ADAMTS2: variants seen among roughly 807,000 people sequenced by gnomAD.
ADAMTS2 encodes the protein ADAM metallopeptidase with thrombospondin type 1 motif 2.
Under a neutral mutation model 123.0 loss-of-function variants are expected in ADAMTS2, and 50 were observed. The ratio of observed to expected loss-of-function variants is 0.41; its 90% CI spans 0.32 to 0.51. The LOEUF is 0.51. ADAMTS2 is among the 20% of genes least tolerant of loss of function. The pLI is 0.35. For synonymous variants in ADAMTS2, 678 were observed against 695.4 expected (o/e 0.98, Z 0.39); for missense variants, 1,494 against 1,705.2 (o/e 0.88, Z 2.18).
intron 3 of ADAMTS2, among the ~76,000 whole-genome samples, chr5:179,231,147 G>A (rs1765403395): frequency 6.6e-6 from 1 of 152,196 alleles, no homozygotes. Context: ...GCCAGGCCCA[G>A]AAGGACAAAT....
At chr5:179,318,694 G>A (rs546847063) in intron 2 of ADAMTS2, among the ~76,000 whole-genome samples, 3 of 152,134 alleles carry the variant, frequency 2.0e-5, no homozygotes, top group African/African-American at 7.2e-5. Context: ...ACCAGGGCAG[G>A]TGGGGCAATG....
chr5:179,231,239 G>A (rs1245822705), intron 3 of ADAMTS2, among the ~76,000 whole-genome samples: 1 of 152,210 alleles, frequency 6.6e-6, no homozygotes, highest in Non-Finnish European at 1.5e-5. Context: ...AGAGCTGGGG[G>A]AGCGGGAAAT....
rs913789523 is a variant in ADAMTS2, at chr5:179,234,320, G to A, written c.689-26605C>T. On this transcript the variant is annotated intron_variant, in intron 3 of 21. Transcript: ENST00000251582. The surrounding 1 kb of genome is among the most constrained non-coding windows in gnomAD (Gnocchi z 4.7). ...ACTTCTCCAGCTCTGCATGGAGAAGGCCTCACCATGCATCTCAGAGAGAAG... is the reference window on the plus strand; with the variant it reads ...ACTTCTCCAGCTCTGCATGGAGAAGACCTCACCATGCATCTCAGAGAGAAG... Among the ~76,000 whole-genome samples the A allele has an allele frequency of 6.6e-5, 10 of 152,110 alleles. No homozygotes were observed. The highest frequency in any genetic ancestry group is 1.3e-4 in the Admixed American group (2 of 15,282).
chr5:179,248,019 C>T (rs1456019056), intron 3 of ADAMTS2, among the ~76,000 whole-genome samples: 1 of 152,028 alleles, frequency 6.6e-6, no homozygotes, highest in Non-Finnish European at 1.5e-5. Context: ...TCTATAGATG[C>T]ATAAAGCAAT....
chr5:179,135,938 A>C lies in ADAMTS2; in HGVS notation c.2056T>G (p.Phe686Val), dbSNP rs1231356192. ...CAGTCCCCGCGCACACAGAGGCTGAAGGCGTCCTTGTAGGAGCAGCGCGTC... is the reference window on the plus strand; with the variant it reads ...CAGTCCCCGCGCACACAGAGGCTGACGGCGTCCTTGTAGGAGCAGCGCGTC... ...DGTRCSYKDA[F>V]SLCVRGDCRK... is the part of the protein sequence containing the mutation. Residue 686 changes from phenylalanine to valine, a missense_variant, in exon 13 of 22, where the codon TTC becomes GTC. This residue lies in a region of ADAMTS2 where 953 missense variants were observed against 1,124.7 expected (regional missense o/e 0.85). Coordinates refer to ENST00000251582, the MANE Select transcript of ADAMTS2 (RefSeq NM_014244.5). 6.2e-7 allele frequency: 1 copy of C among 1,613,142 alleles called. No individual in the cohort carries two copies. The highest frequency in any genetic ancestry group is 8.5e-7 in the Non-Finnish European group (1 of 1,180,034).
intron 2 of ADAMTS2, among the ~76,000 whole-genome samples, chr5:179,290,720 T>C (rs1033199214): frequency 6.6e-6 from 1 of 152,216 alleles, no homozygotes; most frequent in East Asian, 1.9e-4. Flanking sequence ...CTCTGGCCGG[T>C]CCATTCTTCA....
intron 3 of ADAMTS2, among the ~76,000 whole-genome samples, chr5:179,210,111 C>A (rs988683646): frequency 2.0e-5 from 3 of 152,198 alleles, no homozygotes; most frequent in Middle Eastern, 3.2e-3. Context: ...GGGGCCACCC[C>A]AGGGGTAGCC....
intron 3 of ADAMTS2, among the ~76,000 whole-genome samples, chr5:179,263,978 T>C (rs542202030): frequency 6.6e-6 from 1 of 151,986 alleles, no homozygotes; most frequent in African/African-American, 2.4e-5. Flanking sequence ...CTGCAGAGAA[T>C]TCTGAGAGGA....
intron 3 of ADAMTS2, among the ~76,000 whole-genome samples, chr5:179,268,773 C>T (rs1333655544): frequency 2.0e-5 from 3 of 152,218 alleles, no homozygotes; most frequent in Non-Finnish European, 2.9e-5. Context: ...GGGCTATATG[C>T]CCTGGGGAGG....
At chr5:179,131,306 C>CAAAAAAA (rs553125844) in intron 15 of ADAMTS2, among the ~76,000 whole-genome samples, 10 of 22,636 alleles carry the variant, frequency 4.4e-4, no homozygotes, top group Admixed American at 1.2e-3. Flanking sequence ...GAGCGAGACT[C>CAAAAAAA]AAAAAAAAAA....
intron 2 of ADAMTS2, among the ~76,000 whole-genome samples, chr5:179,329,221 T>A (rs573535354): frequency 6.6e-6 from 1 of 151,190 alleles, no homozygotes; most frequent in Non-Finnish European, 1.5e-5. Flanking sequence ...CAGCTACTCT[T>A]GAGGCTGAAG....
intron 5 of ADAMTS2, among the ~76,000 whole-genome samples, chr5:179,168,473 T>C (rs976712920): frequency 6.6e-6 from 1 of 152,178 alleles, no homozygotes; most frequent in African/African-American, 2.4e-5. Flanking sequence ...CAAATGGGGA[T>C]GATCACAGCG....
At chr5:179,223,144 C>T (rs149362053) in intron 3 of ADAMTS2, among the ~76,000 whole-genome samples, 26 of 152,364 alleles carry the variant, frequency 1.7e-4, no homozygotes, top group Middle Eastern at 3.4e-3. Flanking sequence ...GCCAGCCTTG[C>T]GTGGCACCAC....
At chr5:179,200,244 CTTTTTTTTTTT>C (rs1051856642) in intron 4 of ADAMTS2, among the ~76,000 whole-genome samples, 5 of 103,694 alleles carry the variant, frequency 4.8e-5, no homozygotes, top group Non-Finnish European at 9.2e-5. Flanking sequence ...CCTTTCTTTC[CTTTTTTTTTTT>C]TTTTTTTTTT....
At chr5:179,292,143 C>T (rs1181331498) in intron 2 of ADAMTS2, among the ~76,000 whole-genome samples, 3 of 151,938 alleles carry the variant, frequency 2.0e-5, no homozygotes, top group Non-Finnish European at 2.9e-5. Flanking sequence ...TAATGAAGCA[C>T]GGTAACCACC....
chr5:179,322,332 CCT>C (rs1183547543), intron 2 of ADAMTS2, among the ~76,000 whole-genome samples: 2 of 152,164 alleles, frequency 1.3e-5, no homozygotes, highest in Non-Finnish European at 2.9e-5. Context: ...TTGAATCAGT[CCT>C]CACGGGGCCA....
intron 4 of ADAMTS2, among the ~76,000 whole-genome samples, chr5:179,190,258 A>T (rs1007240404): frequency 6.6e-6 from 1 of 152,196 alleles, no homozygotes; most frequent in Non-Finnish European, 1.5e-5. Context: ...GATGCTTCTC[A>T]GGGCTGCTTC....
chr5:179,150,358 C>T (rs1763331908), intron 10 of ADAMTS2, among the ~76,000 whole-genome samples: 1 of 152,250 alleles, frequency 6.6e-6, no homozygotes, highest in African/African-American at 2.4e-5. Flanking sequence ...TCTGGCCTCA[C>T]TGGGCCCCCA....
In ADAMTS2 at chr5:179,318,299, G is replaced by A. The variant is rs1355829006; in HGVS notation, c.534+25468C>T. Among the ~76,000 whole-genome samples, 7 of 152,360 alleles carry A rather than the reference G, an allele frequency of 4.6e-5. No homozygotes were observed. The East Asian group carries it at 5.8e-4, about 13-fold the overall frequency. ...CGATGCGAGAGTATTAATTAAATGCGCTGCCGCTGAGCCTCAGCACACAGG... is the reference window on the plus strand; with the variant it reads ...CGATGCGAGAGTATTAATTAAATGCACTGCCGCTGAGCCTCAGCACACAGG... On this transcript the variant is annotated intron_variant, in intron 2 of 21. Transcript: ENST00000251582.
Sources: allele counts gnomAD v4.1 joint callset (sites outside exome capture counted in the v4.1 genomes callset), GRCh38; gene constraint gnomAD v4.1.1; regional missense constraint gnomAD v4.1.1; non-coding constraint Gnocchi (gnomAD v3.1); transcripts MANE v1.5; gene names NCBI Gene and HGNC (gene_info 2026-07-23, HGNC 2026-07-21).